Variants in PBRM1 observed in about 807,000 individuals in gnomAD.
The protein encoded by PBRM1 is polybromo 1.
PBRM1 carries 27 observed loss-of-function variants against 194.5 expected under a neutral mutation model. That is an observed-to-expected ratio of 0.14 (90% CI 0.10 to 0.19). The LOEUF is 0.19. PBRM1 is among the 10% of genes least tolerant of loss of function. The probability of loss-of-function intolerance (pLI) is 1.00; values close to 1 mark genes in which losing one functional copy is unlikely to be tolerated. For synonymous variants in PBRM1, 655 were observed against 693.2 expected, an observed-to-expected ratio of 0.94 and a Z score of 0.87; for missense variants, 1,466 against 2,077.2, an observed-to-expected ratio of 0.71 and a Z score of 5.72.
At chr3:52,646,333 C>G (rs1352650231) in intron 7 of PBRM1, among the ~76,000 whole-genome samples, 1 of 152,162 alleles carries the variant, frequency 6.6e-6, no homozygotes, top group Admixed American at 6.5e-5. Flanking sequence ...CCCAATGATA[C>G]ACGATTAATT....
chr3:52,551,919 G>A (rs2081071113), intron 27 of PBRM1: 1 of 152,192 alleles, frequency 6.6e-6, no homozygotes. Flanking sequence ...TCCAATTTTA[G>A]TGTATGTGCT....
chr3:52,557,251 A>C (rs1051416943), intron 26 of PBRM1, among the ~76,000 whole-genome samples: 2 of 152,268 alleles, frequency 1.3e-5, no homozygotes, highest in Non-Finnish European at 2.9e-5. Flanking sequence ...GTTCAGCGAC[A>C]GTGCATTTGA....
chr3:52,563,812 T>C (rs1455752418), intron 23 of PBRM1, among the ~76,000 whole-genome samples: 1 of 151,752 alleles, frequency 6.6e-6, no homozygotes, highest in Non-Finnish European at 1.5e-5. Flanking sequence ...CAGAACCAAG[T>C]GTTTCTGCCT....
At chr3:52,627,096 G>C (rs2095471092) in intron 13 of PBRM1, among the ~76,000 whole-genome samples, 177 bp downstream of exon 14, 1 of 151,494 alleles carries the variant, frequency 6.6e-6, no homozygotes, top group African/African-American at 2.4e-5. Context: ...AAAGTAACAT[G>C]GCACTTTTAC....
At chr3:52,627,687 T>TA (rs1384308670) in intron 12 of PBRM1, among the ~76,000 whole-genome samples, 4 of 152,194 alleles carry the variant, frequency 2.6e-5, no homozygotes, top group African/African-American at 4.8e-5. Flanking sequence ...TTGTCCTATT[T>TA]AAGTAAAACC....
At chr3:52,617,922 G>T (rs1227137367) in intron 13 of PBRM1, among the ~76,000 whole-genome samples, 1 of 151,986 alleles carries the variant, frequency 6.6e-6, no homozygotes, top group African/African-American at 2.4e-5. Context: ...AATTCTCTAC[G>T]GTTATAATAT....
chr3:52,562,707 T>G (rs139804442), intron 24 of PBRM1, among the ~76,000 whole-genome samples: 3,537 of 152,052 alleles, frequency 0.023, 57 homozygotes, highest in Middle Eastern at 0.044. Flanking sequence ...CCATGCCTAA[T>G]TTTTAAAATT....
At chr3:52,601,081 C>T (rs2093956739) in intron 17 of PBRM1, among the ~76,000 whole-genome samples, 2 of 152,324 alleles carry the variant, frequency 1.3e-5, no homozygotes, top group Admixed American at 1.3e-4. Flanking sequence ...GTCACTTCTT[C>T]CAGTGTTCTG....
At chr3:52,635,544 T>A (rs1467986148) in intron 10 of PBRM1, among the ~76,000 whole-genome samples, 1 of 151,968 alleles carries the variant, frequency 6.6e-6, no homozygotes, top group Non-Finnish European at 1.5e-5. Context: ...CCAGCCTGGG[T>A]GACGGATGAA....
At chr3:52,668,452 T>C (rs761026964) in intron 3 of PBRM1, 46 bp downstream of exon 4, 2 of 1,380,050 alleles carry the variant, frequency 1.4e-6, no homozygotes, top group Admixed American at 2.5e-5. Context: ...AATTATCAAA[T>C]TGGTATCTTC....
intron 17 of PBRM1, among the ~76,000 whole-genome samples, chr3:52,594,044 T>C (rs2093348536): frequency 6.6e-6 from 1 of 152,180 alleles, no homozygotes; most frequent in African/African-American, 2.4e-5. Flanking sequence ...TCTCCCCGTA[T>C]TGTGTGGGAG....
intron 8 of PBRM1, among the ~76,000 whole-genome samples, chr3:52,644,426 C>A (rs2096227091): frequency 6.6e-6 from 1 of 152,024 alleles, no homozygotes; most frequent in African/African-American, 2.4e-5. Context: ...CGCTCTGTTA[C>A]CAGGCTGGAG....
At chr3:52,648,565 A>G (rs2096394609) in intron 6 of PBRM1, 123 bp from the exon 8 acceptor site, 1 of 494,944 alleles carries the variant, frequency 2.0e-6, no homozygotes, top group Non-Finnish European at 3.6e-6. Flanking sequence ...TGGAAAGTAC[A>G]CATATGAACA....
intron 1 of PBRM1, chr3:52,684,745 G>A (rs749345898): frequency 6.6e-6 from 1 of 152,128 alleles, no homozygotes; most frequent in African/African-American, 2.4e-5. Context: ...TGGGAATTTT[G>A]GTAGGATATT....
intron 7 of PBRM1, among the ~76,000 whole-genome samples, chr3:52,646,331 T>C (rs1022639803): frequency 2.0e-5 from 3 of 152,228 alleles, no homozygotes; most frequent in Non-Finnish European, 4.4e-5. Flanking sequence ...TTCCCAATGA[T>C]ACACGATTAA....
intron 22 of PBRM1, among the ~76,000 whole-genome samples, chr3:52,567,806 GTT>G (rs1163710948): frequency 1.3e-4 from 13 of 98,154 alleles, no homozygotes; most frequent in African/African-American, 3.6e-4. Flanking sequence ...TAATTTTTGT[GTT>G]TTTTTTTTTT....
chr3:52,560,292 G>A (rs950547494), intron 25 of PBRM1, among the ~76,000 whole-genome samples: 3 of 152,116 alleles, frequency 2.0e-5, no homozygotes, highest in Admixed American at 6.5e-5. Flanking sequence ...TGTGCTGCTC[G>A]CTCAGCAATA....
intron 8 of PBRM1, 109 bp from the exon 10 acceptor site, chr3:52,643,452 A>C: frequency 1.4e-6 from 1 of 739,602 alleles, no homozygotes; most frequent in South Asian, 1.5e-5. Context: ...AGAAATGCTA[A>C]AATACTTCTG....
At chr3:52,629,582 A>G (rs953541844) in intron 11 of PBRM1, among the ~76,000 whole-genome samples, 80 of 152,360 alleles carry the variant, frequency 5.3e-4, no homozygotes, top group African/African-American at 1.9e-3. Flanking sequence ...ATTCATTTCT[A>G]TTCTTCCAAT....
Sources: allele counts gnomAD v4.1 joint callset (sites outside exome capture counted in the v4.1 genomes callset), GRCh38; gene constraint gnomAD v4.1.1; transcripts MANE v1.5; gene names NCBI Gene and HGNC (gene_info 2026-07-23, HGNC 2026-07-21).